The following ERC1 variants were observed in gnomAD, a reference collection of about 807,000 sequenced individuals.
The protein encoded by ERC1 is RAB6 interacting protein 2.
ERC1 carries 56 observed loss-of-function variants against 132.0 expected under a neutral mutation model. That is an observed-to-expected ratio of 0.42 (90% confidence interval 0.34 to 0.53). ERC1 has a LOEUF of 0.53. Among genes scored for constraint, ERC1 ranks in the 20% least tolerant of loss-of-function variants. The pLI, the probability that ERC1 is intolerant of heterozygous loss-of-function variation, is 0.03. For synonymous variants in ERC1, 478 were observed against 476.1 expected (o/e 1.00, Z -0.05); for missense variants, 1,202 against 1,349.9 (o/e 0.89, Z 1.72).
intron 15 of ERC1, among the ~76,000 whole-genome samples, chr12:1,315,746 A>C (rs111953874): frequency 4.7e-4 from 71 of 152,310 alleles, no homozygotes; most frequent in African/African-American, 1.6e-3. Context: ...AGAGAGCGAG[A>C]GAGAGGAAAG....
At chr12:1,361,336 C>A (rs1242195735) in intron 15 of ERC1, among the ~76,000 whole-genome samples, 1 of 151,460 alleles carries the variant, frequency 6.6e-6, no homozygotes, top group Non-Finnish European at 1.5e-5. Flanking sequence ...TGCAGCACAC[C>A]AACAGGGCAC....
Position 1,494,191 on chromosome 12 carries a change from C to T in ERC1, c.*3961C>T, listed in dbSNP as rs929588663. ...GTAATTTAACATCTGCTCCTGGCCT[C>T]CTCTTCACCTGCCTGGGTTCGGAAC... On this transcript the variant is annotated 3_prime_UTR_variant, in exon 19 of 19. Transcript: ENST00000360905. The T allele has an allele frequency of 8.6e-6, 2 of 232,310 alleles. No individual in the cohort carries two copies. Among genetic ancestry groups the T allele is most frequent in the African/African-American group, 4.4e-5 (2 of 45,292 alleles). 14.4% of individuals were successfully genotyped at this position (232,310 alleles called of 1,614,324 possible). A position where few individuals can be genotyped will look rare whatever the true frequency, so the allele number is the denominator to read the frequency against.
intron 3 of ERC1, among the ~76,000 whole-genome samples, chr12:1,092,232 C>T (rs539821089): frequency 2.6e-5 from 4 of 152,210 alleles, no homozygotes; most frequent in South Asian, 2.1e-4. Context: ...CTCCTGACCT[C>T]GTGATCCGCC....
intron 12 of ERC1, among the ~76,000 whole-genome samples, chr12:1,207,736 ATTGTAGATCACCACGG>A (rs775581717): frequency 6.6e-6 from 1 of 152,218 alleles, no homozygotes; most frequent in Non-Finnish European, 1.5e-5. Context: ...TTAGATAGCA[ATTGTAGATCACCACGG>A]TTGTAGATCA....
At chr12:1,344,971 G>T (rs934785585) in intron 15 of ERC1, among the ~76,000 whole-genome samples, 13 of 151,974 alleles carry the variant, frequency 8.6e-5, no homozygotes, top group African/African-American at 2.9e-4. Flanking sequence ...ATAAATTTAA[G>T]CAGTAGTACA....
At chr12:1,251,790 CTT>C (rs2076484159) in intron 13 of ERC1, among the ~76,000 whole-genome samples, 1 of 152,092 alleles carries the variant, frequency 6.6e-6, no homozygotes, top group East Asian at 1.9e-4. Flanking sequence ...TATTGAAAGA[CTT>C]TATTGATAGG....
chr12:1,319,366 A>AG (rs1317899349), intron 15 of ERC1, among the ~76,000 whole-genome samples: 1 of 152,166 alleles, frequency 6.6e-6, no homozygotes, highest in Non-Finnish European at 1.5e-5. Flanking sequence ...TTCGTATACC[A>AG]AATAGAAAAA....
intron 16 of ERC1, among the ~76,000 whole-genome samples, chr12:1,383,029 A>G (rs1303498273): frequency 6.6e-6 from 1 of 152,198 alleles, no homozygotes; most frequent in East Asian, 1.9e-4. Flanking sequence ...TTCCAGATGT[A>G]GGAAAATCCC....
At chr12:1,310,882 G>T (rs2081257889) in intron 15 of ERC1, among the ~76,000 whole-genome samples, 1 of 152,240 alleles carries the variant, frequency 6.6e-6, no homozygotes, top group Non-Finnish European at 1.5e-5. Flanking sequence ...ATAACTGCAG[G>T]CTTCTTACTG....
chr12:1,356,451 T>G (rs1352374545), intron 15 of ERC1, among the ~76,000 whole-genome samples: 1 of 151,240 alleles, frequency 6.6e-6, no homozygotes, highest in Non-Finnish European at 1.5e-5. Flanking sequence ...GTTGCTGTTT[T>G]TGTGTGTGTG....
chr12:1,078,956 T>C (rs985271096), intron 2 of ERC1, among the ~76,000 whole-genome samples: 1 of 151,192 alleles, frequency 6.6e-6, no homozygotes, highest in African/African-American at 2.4e-5. Flanking sequence ...ATTTGTAATA[T>C]GACAAAAGTC....
chr12:1,447,679 T>C (rs1393521675), intron 18 of ERC1, among the ~76,000 whole-genome samples: 1 of 151,738 alleles, frequency 6.6e-6, no homozygotes, highest in Non-Finnish European at 1.5e-5. Context: ...AGACAGAGTC[T>C]CGCTCTGTCA....
rs945221295 is a variant in ERC1 at position 1,444,546 on chromosome 12, T to A, written c.3025-16T>A. 8 of 1,546,726 alleles carry A rather than the reference T, an allele frequency of 5.2e-6. No homozygotes were observed. Among genetic ancestry groups the A allele is most frequent in the Middle Eastern group, 1.7e-4 (1 of 5,766 alleles). On this transcript the variant is annotated splice_polypyrimidine_tract_variant and intron_variant, in intron 17 of 18. Coordinates refer to ENST00000360905, the MANE Select transcript of ERC1 (RefSeq NM_178040.4). The stretch of plus-strand genomic sequence containing the variant: ...TTCCTCATTTTATTTTATTTTATTT[T>A]ATTTTTTTGCCTTAGATCATCCAGC...
chr12:1,039,507 G>T (rs1034690714), intron 2 of ERC1, among the ~76,000 whole-genome samples: 4 of 151,486 alleles, frequency 2.6e-5, no homozygotes, highest in Non-Finnish European at 5.9e-5. Flanking sequence ...TTCCACCTGG[G>T]TGACAGAGCA....
intron 15 of ERC1, among the ~76,000 whole-genome samples, chr12:1,320,947 T>C (rs1239626518): frequency 2.0e-5 from 3 of 152,236 alleles, no homozygotes; most frequent in Non-Finnish European, 4.4e-5. Context: ...GTGATCCGCC[T>C]GCCTCAGCTT....
At chr12:1,306,920 C>T (rs758176785) in intron 15 of ERC1, among the ~76,000 whole-genome samples, 1 of 152,054 alleles carries the variant, frequency 6.6e-6, no homozygotes, top group Non-Finnish European at 1.5e-5. Flanking sequence ...TGATCTTTGG[C>T]ATGGTTGTAG....
chr12:1,009,256 G>A (rs1211238380), intron 1 of ERC1, among the ~76,000 whole-genome samples: 1 of 151,396 alleles, frequency 6.6e-6, no homozygotes, highest in African/African-American at 2.4e-5. Context: ...CTCACTGCAA[G>A]CTCCGCCTCC....
intron 18 of ERC1, among the ~76,000 whole-genome samples, chr12:1,452,902 T>C (rs906615756): frequency 2.0e-5 from 3 of 152,240 alleles, no homozygotes; most frequent in African/African-American, 7.2e-5. Flanking sequence ...TCTAGTTACC[T>C]TCATGGTGCC....
At chr12:1,328,714 T>C (rs938299957) in intron 15 of ERC1, among the ~76,000 whole-genome samples, 7 of 151,962 alleles carry the variant, frequency 4.6e-5, no homozygotes, top group African/African-American at 1.5e-4. Flanking sequence ...AATGATGCTA[T>C]AGGAGGAAGT....
Sources: gnomAD v4.1 joint callset for allele counts (sites outside exome capture counted in the v4.1 genomes callset) on GRCh38, gnomAD v4.1.1 for gene constraint, MANE v1.5 for transcripts, NCBI Gene and HGNC (gene_info 2026-07-23, HGNC 2026-07-21) for gene names.